The following GRID2 variants were observed in gnomAD, a reference collection of about 807,000 sequenced individuals.
GRID2 encodes the protein glutamate ionotropic receptor delta type subunit 2.
A neutral mutation model predicts 114.8 loss-of-function variants in GRID2; 33 were observed. The observed-to-expected ratio is 0.29, with a 90% CI of 0.22 to 0.38. The LOEUF (loss-of-function observed/expected upper bound fraction) is 0.38, where lower values mean the gene tolerates loss of function less well. GRID2 is among the 10% of genes least tolerant of loss of function. GRID2 has a pLI of 1.00. For synonymous variants in GRID2, 505 were observed against 449.9 expected, an observed-to-expected ratio of 1.12 and a Z score of -1.55; for missense variants, 1,184 against 1,257.7, an observed-to-expected ratio of 0.94 and a Z score of 0.89.
chr4:93,042,038 G>T (rs942955040), intron 2 of GRID2, among the ~76,000 whole-genome samples: 1 of 151,784 alleles, frequency 6.6e-6, no homozygotes, highest in African/African-American at 2.4e-5. Context: ...GAGTAGCTGG[G>T]ACTACAGGTG....
At chr4:93,317,814 A>T (rs1257256404) in intron 8 of GRID2, among the ~76,000 whole-genome samples, 1 of 151,214 alleles carries the variant, frequency 6.6e-6, no homozygotes, top group Non-Finnish European at 1.5e-5. Flanking sequence ...TTCTTATTTT[A>T]TCTCTTTAAG....
intron 2 of GRID2, among the ~76,000 whole-genome samples, chr4:92,670,933 A>T (rs1281223425): frequency 6.6e-6 from 1 of 152,094 alleles, no homozygotes; most frequent in Non-Finnish European, 1.5e-5. Context: ...ACAAAATAGG[A>T]TATTATAAAA....
At chr4:92,633,243 G>A (rs1730897629) in intron 2 of GRID2, among the ~76,000 whole-genome samples, 2 of 152,032 alleles carry the variant, frequency 1.3e-5, no homozygotes, top group South Asian at 4.1e-4. Context: ...AGTATATTGA[G>A]TATGCAGACA....
At chr4:93,110,648 A>C in intron 3 of GRID2, 100 bp from the exon 4 acceptor site, 2 of 791,908 alleles carry the variant, frequency 2.5e-6, no homozygotes, top group South Asian at 3.1e-5. Flanking sequence ...GACAGCCTAC[A>C]GTGTGGAACA....
intron 9 of GRID2, among the ~76,000 whole-genome samples, chr4:93,412,715 A>T (rs1767321781): frequency 6.6e-6 from 1 of 152,078 alleles, no homozygotes; most frequent in African/African-American, 2.4e-5. Flanking sequence ...CACCACATGC[A>T]TTAGGTATTT....
At chr4:93,638,299 A>ATTTTTTTTTTTTTTT (rs1446023634) in intron 14 of GRID2, among the ~76,000 whole-genome samples, 2 of 84,138 alleles carry the variant, frequency 2.4e-5, no homozygotes, top group Non-Finnish European at 4.9e-5. Context: ...TAAAACTTGC[A>ATTTTTTTTTTTTTTT]TCTTTTTTTT....
In GRID2 at chr4:93,788,100, T is replaced by C. The variant is rs374568024; in HGVS notation, c.222-18615T>C. 3.9e-5 allele frequency among the ~76,000 whole-genome samples: 6 copies of C among 152,148 alleles called. No homozygotes were observed. The East Asian group carries it at 7.8e-4, about 20-fold the overall frequency. ...AGGAGGCCGAGGCGGGTGGATCACC[T>C]GAGGTCAGGAGTTCAAGACCAGCCT... On this transcript the variant is annotated intron_variant, in intron 1 of 1. Coordinates refer to the GRID2 transcript ENST00000637838.
chr4:93,397,297 A>AT (rs1365750796), intron 9 of GRID2, among the ~76,000 whole-genome samples: 1 of 151,940 alleles, frequency 6.6e-6, no homozygotes, highest in Non-Finnish European at 1.5e-5. Context: ...TTAAATGTGA[A>AT]TTCGCTTCTG....
intron 1 of GRID2, among the ~76,000 whole-genome samples, chr4:92,393,580 A>G (rs1285185951): frequency 6.6e-6 from 1 of 152,094 alleles, no homozygotes; most frequent in East Asian, 1.9e-4. Flanking sequence ...TATTTGCCCT[A>G]TATAATTTTG....
intron 13 of GRID2, among the ~76,000 whole-genome samples, chr4:93,578,592 T>TGTTTTTTTG (rs1260248738): frequency 9.6e-4 from 119 of 124,272 alleles, no homozygotes; most frequent in African/African-American, 4.1e-3. Context: ...TTTGTATTTT[T>TGTTTTTTTG]TTTTTTTTTT....
chr4:92,929,326 T>C (rs1322311476), intron 2 of GRID2, among the ~76,000 whole-genome samples: 1 of 151,406 alleles, frequency 6.6e-6, no homozygotes, highest in Non-Finnish European at 1.5e-5. Context: ...GATTTTTTAA[T>C]ACATTCATAA....
At chr4:92,625,354 C>A (rs1284067916) in intron 2 of GRID2, among the ~76,000 whole-genome samples, 1 of 151,740 alleles carries the variant, frequency 6.6e-6, no homozygotes, top group Non-Finnish European at 1.5e-5. Context: ...GCTTAAATCA[C>A]TAATTTTACA....
chr4:93,345,805 G>T (rs951103668), intron 8 of GRID2, among the ~76,000 whole-genome samples: 1 of 152,036 alleles, frequency 6.6e-6, no homozygotes, highest in African/African-American at 2.4e-5. Context: ...AATCCAATTT[G>T]AGTTGATTTT....
At chr4:92,906,127 A>G (rs1331124887) in intron 2 of GRID2, among the ~76,000 whole-genome samples, 1 of 152,202 alleles carries the variant, frequency 6.6e-6, no homozygotes, top group Non-Finnish European at 1.5e-5. Context: ...GTAGAAAAAT[A>G]AACATAGTGC....
intron 4 of GRID2, among the ~76,000 whole-genome samples, chr4:93,170,714 T>A (rs768156184): frequency 1.1e-4 from 16 of 152,188 alleles, no homozygotes; most frequent in Non-Finnish European, 1.9e-4. Context: ...GGTAACTGTT[T>A]CCAGCATACA....
chr4:93,592,783 G>C (rs1261710632), intron 13 of GRID2, among the ~76,000 whole-genome samples: 1 of 152,174 alleles, frequency 6.6e-6, no homozygotes, highest in Non-Finnish European at 1.5e-5. Context: ...AGCTCTTCTT[G>C]TTGAATTGAT....
At chr4:92,558,403 CGTT>C (rs1230961065) in intron 1 of GRID2, among the ~76,000 whole-genome samples, 8 of 152,072 alleles carry the variant, frequency 5.3e-5, no homozygotes, top group Non-Finnish European at 7.4e-5. Flanking sequence ...CTTTTATAAA[CGTT>C]GTTGAGCATT....
intron 8 of GRID2, among the ~76,000 whole-genome samples, chr4:93,365,226 GTGTT>G (rs1762228325): frequency 6.6e-6 from 1 of 152,058 alleles, no homozygotes; most frequent in East Asian, 1.9e-4. Flanking sequence ...ATGAGTTTTT[GTGTT>G]TGTTTATGTT....
At chr4:92,502,211 C>A (rs1018625252) in intron 1 of GRID2, among the ~76,000 whole-genome samples, 7 of 151,904 alleles carry the variant, frequency 4.6e-5, no homozygotes, top group Admixed American at 2.6e-4. Context: ...TCAAAAATTT[C>A]TTTTCTATTT....
Sources: allele counts gnomAD v4.1 joint callset (sites outside exome capture counted in the v4.1 genomes callset), GRCh38; gene constraint gnomAD v4.1.1; transcripts MANE v1.5; gene names NCBI Gene and HGNC (gene_info 2026-07-23, HGNC 2026-07-21).